NAALADL2: variants seen among roughly 807,000 people sequenced by gnomAD.
NAALADL2 encodes inactive N-acetylated-alpha-linked acidic dipeptidase-like protein 2.
In NAALADL2, 76 loss-of-function variants were observed where a neutral mutation model predicts 87.2. The ratio of observed to expected loss-of-function variants is 0.87; its 90% CI spans 0.72 to 1.05. The LOEUF (loss-of-function observed/expected upper bound fraction) is 1.05. Ranked by LOEUF, NAALADL2 falls within the 50% of genes least tolerant of loss-of-function variation. NAALADL2 has a pLI of 0.00. For missense variants in NAALADL2, 1,089 were observed against 945.8 expected (o/e 1.15, Z -1.99); for synonymous variants, 354 against 331.0 (o/e 1.07, Z -0.75).
intron 3 of NAALADL2, among the ~76,000 whole-genome samples, chr3:174,755,261 G>A (rs534644972): frequency 5.9e-5 from 9 of 151,964 alleles, no homozygotes; most frequent in Non-Finnish European, 7.4e-5. Flanking sequence ...CCAAGGCCTC[G>A]TCAGCCATGC....
chr3:174,891,335 T>C (rs1164010713), intron 1 of NAALADL2, among the ~76,000 whole-genome samples: 1 of 152,154 alleles, frequency 6.6e-6, no homozygotes, highest in African/African-American at 2.4e-5. Flanking sequence ...AAACACCTTA[T>C]ACGAACCCCA....
chr3:175,241,486 G>T (rs1746869207), intron 3 of NAALADL2, among the ~76,000 whole-genome samples: 1 of 152,170 alleles, frequency 6.6e-6, no homozygotes, highest in South Asian at 2.1e-4. Flanking sequence ...CTCCCAAAGT[G>T]CTGGGATTCC....
intron 5 of NAALADL2, among the ~76,000 whole-genome samples, chr3:175,414,581 CCTT>C (rs745328768): frequency 5.1e-4 from 77 of 152,108 alleles, no homozygotes; most frequent in Non-Finnish European, 9.1e-4. Flanking sequence ...AAAGTCTTCT[CCTT>C]ATTATTATAT....
rs539173251 is a variant in NAALADL2, at chr3:174,808,795, A to T, written c.-9+71049A>T. ...ATTATATTTATCCATATTTTCAATTAAAAAAAATGTGTGTGTGTGTTTGTG... is the reference window on the plus strand; with the variant it reads ...ATTATATTTATCCATATTTTCAATTTAAAAAAATGTGTGTGTGTGTTTGTG... On this transcript the variant is annotated intron_variant, in intron 3 of 3. Transcript: ENST00000434257. 7.9e-5 allele frequency among the ~76,000 whole-genome samples: 12 copies of T among 151,510 alleles called. No homozygotes were observed. In the East Asian group the frequency reaches 2.1e-3, roughly 27 times the overall value.
At chr3:175,502,437 C>T (rs1374259124) in intron 9 of NAALADL2, among the ~76,000 whole-genome samples, 1 of 152,146 alleles carries the variant, frequency 6.6e-6, no homozygotes, top group African/African-American at 2.4e-5. Flanking sequence ...GTTGACACTG[C>T]CTCACTGCTT....
intron 2 of NAALADL2, among the ~76,000 whole-genome samples, chr3:174,576,688 G>C (rs946273166): frequency 4.6e-5 from 7 of 152,148 alleles, no homozygotes; most frequent in Non-Finnish European, 1.0e-4. Context: ...TTCTGTGTTG[G>C]GGTTGAGAGC....
intron 5 of NAALADL2, among the ~76,000 whole-genome samples, chr3:175,346,506 A>G (rs1763172852): frequency 6.6e-6 from 1 of 152,304 alleles, no homozygotes; most frequent in African/African-American, 2.4e-5. Flanking sequence ...ATGTGTTTTT[A>G]CCTAACAAAA....
chr3:175,257,198 A>G (rs1474278666), intron 4 of NAALADL2: 1 of 112,134 alleles, frequency 8.9e-6, no homozygotes, highest in African/African-American at 2.6e-5. Context: ...CTATTTAAAA[A>G]AAAAAAAAAA....
At chr3:174,916,573 A>G (rs1031980853) in intron 1 of NAALADL2, among the ~76,000 whole-genome samples, 1 of 152,126 alleles carries the variant, frequency 6.6e-6, no homozygotes, top group Non-Finnish European at 1.5e-5. Flanking sequence ...AGCAACTTGG[A>G]TGGAGCTAGA....
chr3:174,539,867 A>G (rs1032103423), intron 1 of NAALADL2, among the ~76,000 whole-genome samples: 4 of 151,856 alleles, frequency 2.6e-5, no homozygotes, highest in Admixed American at 2.6e-4. Flanking sequence ...AAACATGAAC[A>G]AAGATGCCAA....
chr3:174,841,250 T>C (rs1174156257), intron 3 of NAALADL2, among the ~76,000 whole-genome samples: 1 of 152,302 alleles, frequency 6.6e-6, no homozygotes, highest in Non-Finnish European at 1.5e-5. Context: ...TTATAAGTTA[T>C]TGTAATAGTT....
chr3:175,616,624 G>A (rs755942275), intron 10 of NAALADL2, among the ~76,000 whole-genome samples: 2 of 152,050 alleles, frequency 1.3e-5, no homozygotes, highest in Non-Finnish European at 2.9e-5. Flanking sequence ...CTGCAATGCC[G>A]TGACCTCTGC....
chr3:175,013,297 A>ATT lies in NAALADL2; in HGVS notation c.44-83492_44-83491insTT, dbSNP rs1293274493. On this transcript the variant is annotated intron_variant, in intron 1 of 13. Coordinates refer to ENST00000454872, the MANE Select transcript of NAALADL2 (RefSeq NM_207015.3). ...TATATACATATATATATATATATAT[A>ATT]TATATTTTTTTTTTTTTTTGAGACA... 3.6e-3 allele frequency among the ~76,000 whole-genome samples: 276 copies of ATT among 77,528 alleles called. 8 individuals carry two copies. Among genetic ancestry groups the ATT allele is most frequent in the South Asian group, 9.0e-3 (25 of 2,782 alleles). The allele number at this position is 77,528 out of a possible 152,430, so 50.9% of individuals were successfully genotyped here.
At chr3:174,960,209 C>T (rs1480509235) in intron 1 of NAALADL2, among the ~76,000 whole-genome samples, 2 of 152,024 alleles carry the variant, frequency 1.3e-5, no homozygotes, top group Non-Finnish European at 2.9e-5. Flanking sequence ...TAAACTATTC[C>T]AGTCATCATC....
At chr3:174,962,324 A>G (rs1285369251) in intron 1 of NAALADL2, among the ~76,000 whole-genome samples, 1 of 125,358 alleles carries the variant, frequency 8.0e-6, no homozygotes. Flanking sequence ...CTGTATTAAC[A>G]CCAAAGTATT....
At chr3:174,625,261 T>C (rs1420380288) in intron 2 of NAALADL2, among the ~76,000 whole-genome samples, 1 of 152,020 alleles carries the variant, frequency 6.6e-6, no homozygotes, top group African/African-American at 2.4e-5. Context: ...TTTCACCATG[T>C]TGGCCAGGCT....
At chr3:174,570,555 G>A (rs9815084) in intron 2 of NAALADL2, among the ~76,000 whole-genome samples, 75,067 of 151,904 alleles carry the variant, frequency 0.49, 21,177 homozygotes, top group East Asian at 0.8. Context: ...AATCTAAGGC[G>A]CGCTAGGGGA....
intron 9 of NAALADL2, among the ~76,000 whole-genome samples, chr3:175,556,224 T>TA (rs1227323978): frequency 2.6e-5 from 4 of 152,008 alleles, no homozygotes; most frequent in African/African-American, 4.8e-5. Flanking sequence ...AACAAGTATT[T>TA]AAAAAATATT....
At chr3:175,784,952 G>T (rs28879114) in intron 13 of NAALADL2, among the ~76,000 whole-genome samples, 40,363 of 123,926 alleles carry the variant, frequency 0.33, 8,381 homozygotes, top group African/African-American at 0.65. Context: ...TGCCTTCATT[G>T]CGTTATGTAC....
Sources: gnomAD v4.1 joint callset for allele counts (sites outside exome capture counted in the v4.1 genomes callset) on GRCh38, gnomAD v4.1.1 for gene constraint, MANE v1.5 for transcripts, NCBI Gene and HGNC (gene_info 2026-07-23, HGNC 2026-07-21) for gene names.